Variants in DYNC2I1 observed in about 807,000 individuals in gnomAD.
DYNC2I1 encodes the protein dynein 2 intermediate chain 1, also known as cytoplasmic dynein 2 intermediate chain 1.
In DYNC2I1, 89 loss-of-function variants were observed where a neutral mutation model predicts 133.4. The ratio of observed to expected loss-of-function variants is 0.67; its 90% CI spans 0.56 to 0.80. DYNC2I1 has a LOEUF of 0.80. Among genes scored for constraint, DYNC2I1 ranks in the 30% least tolerant of loss-of-function variants. The probability of loss-of-function intolerance (pLI) is 0.00; values close to 1 mark genes in which losing one functional copy is unlikely to be tolerated. For missense variants in DYNC2I1, 1,291 were observed against 1,314.5 expected, an observed-to-expected ratio of 0.98 and a Z score of 0.28; for synonymous variants, 504 against 484.3, an observed-to-expected ratio of 1.04 and a Z score of -0.54.
At chr7:158,916,311 G>C (rs1848278164) in intron 14 of DYNC2I1, among the ~76,000 whole-genome samples, 1 of 104,844 alleles carries the variant, frequency 9.5e-6, no homozygotes, top group Non-Finnish European at 2.2e-5. Flanking sequence ...TTGAGATTAA[G>C]GATGATTGTG....
chr7:158,849,988 T>C, the DYNC2I1 span, among the ~76,000 whole-genome samples: 48 of 152,304 alleles, frequency 3.2e-4, no homozygotes, highest in African/African-American at 1.1e-3. Context: ...CTGGCCCTTT[T>C]GCCCAGGAAT....
At chr7:158,869,761 G>T in intron 1 of DYNC2I1, 94 bp from the exon 2 acceptor site, 2 of 885,556 alleles carry the variant, frequency 2.3e-6, no homozygotes, top group Non-Finnish European at 1.7e-6. Context: ...AGAATTAACT[G>T]CCATTGATTT....
chr7:158,891,654 A>G (rs538682172), intron 8 of DYNC2I1, among the ~76,000 whole-genome samples: 1 of 152,328 alleles, frequency 6.6e-6, no homozygotes, highest in African/African-American at 2.4e-5. Flanking sequence ...GAAGAGGTTT[A>G]GGGTGAATGA....
At chr7:158,951,280 G>C (rs917547432) in intron 4 of DYNC2I1, among the ~76,000 whole-genome samples, 1 of 152,254 alleles carries the variant, frequency 6.6e-6, no homozygotes, top group African/African-American at 2.4e-5. Context: ...TTTTGGCCTG[G>C]ATGTGGCTGT....
At chr7:158,911,435 G>A (rs1016147527) in intron 11 of DYNC2I1, 115 bp from the exon 12 acceptor site, 4 of 1,168,884 alleles carry the variant, frequency 3.4e-6, no homozygotes, top group African/African-American at 1.5e-5. Context: ...CCAGCCTGAA[G>A]CTAGGTTTCT....
chr7:158,866,839 C>T (rs1842449559), intron 1 of DYNC2I1, among the ~76,000 whole-genome samples: 1 of 151,326 alleles, frequency 6.6e-6, no homozygotes, highest in African/African-American at 2.4e-5. Context: ...GAGCTGAGAT[C>T]GCACCACTGC....
At chr7:158,846,663 T>G in the DYNC2I1 span, among the ~76,000 whole-genome samples, 6 of 152,342 alleles carry the variant, frequency 3.9e-5, no homozygotes, top group South Asian at 1.0e-3. Context: ...TTACTCTTAA[T>G]GCAAGAAGTC....
intron 20 of DYNC2I1, 89 bp from the exon 21 acceptor site, chr7:158,930,366 G>A: frequency 1.8e-6 from 2 of 1,084,790 alleles, no homozygotes; most frequent in East Asian, 2.5e-5. Flanking sequence ...AGATATTTAA[G>A]CAATGAAAAA....
At chr7:158,915,230 C>T (rs1252973847) in intron 14 of DYNC2I1, among the ~76,000 whole-genome samples, 1 of 134,670 alleles carries the variant, frequency 7.4e-6, no homozygotes, top group African/African-American at 2.8e-5. Context: ...GACTGTGAAA[C>T]ATCGACATGC....
chr7:158,876,566 G>C, intron 3 of DYNC2I1, 43 bp from the exon 4 acceptor site: 1 of 1,515,938 alleles, frequency 6.6e-7, no homozygotes. Context: ...TTTTTGATGT[G>C]CTAACATTTG....
Position 158,901,773 on chromosome 7 carries a change from C to G in DYNC2I1, c.1094C>G (p.Ala365Gly), listed in dbSNP as rs1304790517. 6.3e-7 allele frequency: 1 copy of G among 1,583,272 alleles called. No homozygotes were observed. Among genetic ancestry groups the G allele is most frequent in the South Asian group, 1.2e-5 (1 of 85,398 alleles). ...AAGGAAGAAACTGATTTAGAAAATG[C>G]TAGAGCTGATGCATATACAGCCAGT... The part of the protein sequence containing the change: ...IEKEETDLEN[A>G]RADAYTASCE... The change falls in exon 9 of 25, where the codon GCT (alanine) becomes GGT (glycine). Residue 365 changes from alanine to glycine, a missense_variant. Coordinates refer to ENST00000407559, the MANE Select transcript of DYNC2I1 (RefSeq NM_018051.5).
chr7:158,839,682 T>A, the DYNC2I1 span, among the ~76,000 whole-genome samples: 1 of 152,008 alleles, frequency 6.6e-6, no homozygotes, highest in East Asian at 1.9e-4. Flanking sequence ...TAGCAGGGCG[T>A]GGTGGCGGGC....
intron 1 of DYNC2I1, among the ~76,000 whole-genome samples, chr7:158,863,649 T>C (rs1306076192): frequency 4.3e-5 from 2 of 46,934 alleles, no homozygotes; most frequent in Non-Finnish European, 3.6e-5. Context: ...GAGCGGGACG[T>C]CCTTAGCTGG....
intron 23 of DYNC2I1, 25 bp downstream of exon 23, chr7:158,934,574 T>C (rs1850561491): frequency 6.5e-7 from 1 of 1,548,232 alleles, no homozygotes. Flanking sequence ...TTTTCAGAGC[T>C]CCAATTCTTC....
chr7:158,911,659 G>A lies in DYNC2I1; in HGVS notation c.1570G>A (p.Gly524Arg). 6.2e-7 allele frequency: 1 copy of A among 1,603,004 alleles called. No individual in the cohort carries two copies. The highest frequency in any genetic ancestry group is 8.5e-7 in the Non-Finnish European group (1 of 1,176,752). Reference protein sequence around the residue: ...NEYDMYIRNFGKKNTKQAYVQ... With the variant: ...NEYDMYIRNFRKKNTKQAYVQ... Reference sequence around the variant, plus strand: ...ATATGACATGTATATCAGAAACTTTGGGAAAAAAAATACCAAGCAGGTAAG... The same window carrying A: ...ATATGACATGTATATCAGAAACTTTAGGAAAAAAAATACCAAGCAGGTAAG... Residue 524 changes from glycine to arginine, a missense_variant, in exon 12 of 25, where the codon GGG becomes AGG. Coordinates refer to ENST00000407559, the MANE Select transcript of DYNC2I1 (RefSeq NM_018051.5).
intron 1 of DYNC2I1, among the ~76,000 whole-genome samples, chr7:158,862,251 C>T (rs1398069464): frequency 3.9e-5 from 6 of 152,054 alleles, no homozygotes; most frequent in African/African-American, 1.4e-4. Flanking sequence ...CACTGGGAGG[C>T]GCTCCAGAGA....
chr7:158,893,470 G>T (rs1222218308), intron 8 of DYNC2I1, among the ~76,000 whole-genome samples: 2 of 152,154 alleles, frequency 1.3e-5, no homozygotes, highest in African/African-American at 4.8e-5. Context: ...TTATCCTACA[G>T]TTGGCAAAAT....
In DYNC2I1 at chr7:158,945,708, G is replaced by A; in HGVS notation, c.3130G>A (p.Val1044Met). Reference sequence around the variant, plus strand: ...GAAGAGGCGGTGGGCGGCCCCGGAGGTGGACGAGTGCAACAGGCTGCGTCT... The same window carrying A: ...GAAGAGGCGGTGGGCGGCCCCGGAGATGGACGAGTGCAACAGGCTGCGTCT... ...HLKRRWAAPE[V>M]DECNRLRLLL... The change falls in exon 25 of 25, where the codon GTG becomes ATG. Residue 1044 changes from valine (V) to methionine (M), a missense_variant. Transcript: ENST00000407559. The surrounding 1 kb of genome is among the most constrained non-coding windows in gnomAD (Gnocchi z 4.1). 1.2e-6 allele frequency: 2 copies of A among 1,611,198 alleles called. No individual in the cohort carries two copies. The highest frequency in any genetic ancestry group is 1.7e-5 in the Admixed American group (1 of 59,676).
chr7:158,914,087 C>T lies in DYNC2I1; in HGVS notation c.1703-146C>T, dbSNP rs191480301. On this transcript the variant is annotated intron_variant, in intron 13 of 24. Transcript: ENST00000407559. The stretch of plus-strand genomic sequence containing the variant: ...TTTTGGGGAGTTAACAGTAGTAAAT[C>T]TAGAGAGTATAGCTTGAAGTTTTCT... 7.6e-4 allele frequency: 451 copies of T among 589,702 alleles called. 7 individuals are homozygous for T. The highest frequency in any genetic ancestry group is 7.6e-3 in the African/African-American group (405 of 53,010). The allele number at this position is 589,702 out of a possible 1,614,324, so 36.5% of individuals were successfully genotyped here.
Sources: gnomAD v4.1 joint callset for allele counts (sites outside exome capture counted in the v4.1 genomes callset) on GRCh38, gnomAD v4.1.1 for gene constraint, Gnocchi (gnomAD v3.1) non-coding constraint, MANE v1.5 for transcripts, NCBI Gene and HGNC (gene_info 2026-07-23, HGNC 2026-07-21) for gene names.